Variants in ADD1 observed in about 807,000 individuals in gnomAD.
ADD1 encodes adducin 1, also known as alpha-adducin.
A neutral mutation model predicts 80.5 loss-of-function variants in ADD1; 24 were observed. The observed-to-expected ratio is 0.30, with a 90% CI of 0.22 to 0.42. ADD1 has a LOEUF of 0.42. ADD1 is among the 10% of genes least tolerant of loss of function. The pLI, the probability that ADD1 is intolerant of heterozygous loss-of-function variation, is 1.00. For missense variants in ADD1, 948 were observed against 1,019.0 expected (o/e 0.93, Z 0.95); for synonymous variants, 373 against 393.8 (o/e 0.95, Z 0.63).
intron 2 of ADD1, 91 bp downstream of exon 2, chr4:2,876,201 C>A: frequency 1.6e-6 from 2 of 1,265,432 alleles, no homozygotes; most frequent in Non-Finnish European, 2.2e-6. Context: ...TGGCATAGTT[C>A]ATTGATCTTA....
At chr4:2,847,217 G>C (rs1188232728) in intron 1 of ADD1, among the ~76,000 whole-genome samples, 1 of 151,972 alleles carries the variant, frequency 6.6e-6, no homozygotes, top group Non-Finnish European at 1.5e-5. Context: ...GAGGTCAGGA[G>C]TTTGAGACCA....
chr4:2,927,284 G>A (rs970479972), intron 15 of ADD1, among the ~76,000 whole-genome samples: 12 of 152,138 alleles, frequency 7.9e-5, no homozygotes, highest in Non-Finnish European at 1.5e-4. Flanking sequence ...CTCATGAAGC[G>A]TGGCCTGGAA....
chr4:2,923,738 A>G lies in ADD1; in HGVS notation c.1949-2276A>G, dbSNP rs150016602. Among the ~76,000 whole-genome samples the G allele has an allele frequency of 3.3e-3, 498 of 152,336 alleles. 1 individual carries two copies. The highest frequency in any genetic ancestry group is 0.012 in the African/African-American group (482 of 41,580). On this transcript the variant is annotated intron_variant, in intron 14 of 15. Transcript: ENST00000683351. ...TTGTGCCGGGCACATGCCCAGTGCTATTGTGCGTACATCTCATCTCATTCT... is the reference window on the plus strand; with the variant it reads ...TTGTGCCGGGCACATGCCCAGTGCTGTTGTGCGTACATCTCATCTCATTCT...
intron 12 of ADD1, chr4:2,908,903 C>T (rs988584474): frequency 1.3e-5 from 6 of 478,860 alleles, no homozygotes; most frequent in African/African-American, 5.9e-5. Flanking sequence ...GGTTCAGCAG[C>T]GTTCTGTGTA....
chr4:2,916,162 ATATTATTATTATTATTATTATTAT>A (rs71662749), intron 14 of ADD1, among the ~76,000 whole-genome samples: 27 of 141,060 alleles, frequency 1.9e-4, no homozygotes, highest in Non-Finnish European at 2.7e-4. Context: ...GCCAGCATGC[ATATTATTATTATTATTATTATTAT>A]TATTATTATT....
intron 1 of ADD1, among the ~76,000 whole-genome samples, chr4:2,852,189 T>TCTTTCTTCCTTTCTTCCTTTCTTTC (rs1727257745): frequency 3.9e-5 from 2 of 50,754 alleles, no homozygotes; most frequent in African/African-American, 1.4e-4. Context: ...TTTCTTTCTT[T>TCTTTCTTCCTTTCTTCCTTTCTTTC]CTTTCTTTCC....
At chr4:2,917,038 G>A (rs1024982012) in intron 14 of ADD1, among the ~76,000 whole-genome samples, 28 of 152,106 alleles carry the variant, frequency 1.8e-4, no homozygotes, top group Non-Finnish European at 3.5e-4. Flanking sequence ...ATAATCCTTT[G>A]GTTATATACC....
chr4:2,862,723 CT>C (rs1728987938), intron 1 of ADD1, among the ~76,000 whole-genome samples: 1 of 152,230 alleles, frequency 6.6e-6, no homozygotes, highest in African/African-American at 2.4e-5. Context: ...ACCCATAGCA[CT>C]TGTCGCCTTC....
At chr4:2,852,286 CTT>C (rs1560139259) in intron 1 of ADD1, among the ~76,000 whole-genome samples, 50 of 100,536 alleles carry the variant, frequency 5.0e-4, no homozygotes, top group African/African-American at 1.9e-3. Flanking sequence ...TCCTTCTTTT[CTT>C]TTCTTTTCTT....
intron 15 of ADD1, among the ~76,000 whole-genome samples, chr4:2,927,600 G>A (rs1712045838): frequency 6.6e-6 from 1 of 152,236 alleles, no homozygotes; most frequent in African/African-American, 2.4e-5. Context: ...GATGCTGGGT[G>A]GAGTTTTTGC....
intron 1 of ADD1, among the ~76,000 whole-genome samples, chr4:2,848,933 A>G (rs926872270): frequency 6.6e-6 from 1 of 152,138 alleles, no homozygotes; most frequent in Non-Finnish European, 1.5e-5. Context: ...TTTCCAAATT[A>G]CCCTCCTGGC....
chr4:2,891,371 C>T (rs537632663), intron 4 of ADD1, among the ~76,000 whole-genome samples: 6 of 151,922 alleles, frequency 3.9e-5, no homozygotes, highest in South Asian at 2.1e-4. Flanking sequence ...CGCTTGAACC[C>T]GGGAGGCAAA....
intron 2 of ADD1, 177 bp downstream of exon 2, chr4:2,876,287 C>A: frequency 2.0e-6 from 1 of 507,960 alleles, no homozygotes; most frequent in East Asian, 3.3e-5. Flanking sequence ...TATCAGACAT[C>A]ATAAATGAAA....
chr4:2,904,806 G>C lies in ADD1; in HGVS notation c.1204G>C (p.Glu402Gln), dbSNP rs1577657684. The C allele has an allele frequency of 2.5e-6, 4 of 1,614,190 alleles. No homozygotes were observed. Among genetic ancestry groups the C allele is most frequent in the Non-Finnish European group, 3.4e-6 (4 of 1,180,034 alleles). The change falls in exon 10 of 16, where the codon GAG becomes CAG. Residue 402 changes from glutamate (E) to glutamine (Q), a missense_variant. By Grantham distance (29) the Glu-to-Gln change is conservative. Coordinates refer to ENST00000683351, the MANE Select transcript of ADD1 (RefSeq NM_001354761.2). ...CCCTTATCGATACCCTGCTCTGAGA[G>C]AGAAGTCTAAAAAATACAGCGATGT... is the stretch of plus-strand genomic sequence containing the variant. ...GYPYRYPALR[E>Q]KSKKYSDVEV...
chr4:2,871,360 AT>A (rs1363367190), intron 1 of ADD1, among the ~76,000 whole-genome samples: 2 of 152,204 alleles, frequency 1.3e-5, no homozygotes, highest in African/African-American at 4.8e-5. Context: ...AAGGGGAAAT[AT>A]GATTGTTAAA....
chr4:2,888,933 G>GGA (rs146399740), intron 4 of ADD1, among the ~76,000 whole-genome samples: 20 of 151,360 alleles, frequency 1.3e-4, no homozygotes, highest in Middle Eastern at 6.8e-3. Flanking sequence ...ATATATATAT[G>GGA]GAGAGAGAGA....
intron 1 of ADD1, among the ~76,000 whole-genome samples, chr4:2,852,584 C>T (rs1181490400): frequency 1.3e-5 from 2 of 151,742 alleles, no homozygotes; most frequent in Admixed American, 6.6e-5. Flanking sequence ...AGCACACATA[C>T]TTTGACAACA....
rs986695627 is a variant in ADD1, at chr4:2,926,593, T to C, written c.2047+481T>C. ...AACCTGATGGCTGTGACTGAATGCA[T>C]AGATTCTCTCCTTGTGCTTTTTTCT... On this transcript the variant is annotated intron_variant, in intron 15 of 15. Coordinates refer to ENST00000683351, the MANE Select transcript of ADD1 (RefSeq NM_001354761.2). The surrounding 1 kb of genome is among the most constrained non-coding windows in gnomAD (Gnocchi z 5.0). 3 of 1,607,788 alleles carry C rather than the reference T, an allele frequency of 1.9e-6. No individual in the cohort carries two copies. Among genetic ancestry groups the C allele is most frequent in the Admixed American group, 1.7e-5 (1 of 59,698 alleles).
chr4:2,925,918 G>A (rs1740884549), intron 14 of ADD1, 96 bp from the exon 15 acceptor site: 5 of 964,838 alleles, frequency 5.2e-6, no homozygotes, highest in Non-Finnish European at 7.9e-6. Flanking sequence ...TTCTCAGAGG[G>A]CGGCCGAGCG....
Sources: gnomAD v4.1 joint callset for allele counts (sites outside exome capture counted in the v4.1 genomes callset) on GRCh38, gnomAD v4.1.1 for gene constraint, Gnocchi (gnomAD v3.1) non-coding constraint, MANE v1.5 for transcripts, NCBI Gene and HGNC (gene_info 2026-07-23, HGNC 2026-07-21) for gene names.